The following HMGCLL1 variants were observed in gnomAD, a reference collection of about 807,000 sequenced individuals.
The protein encoded by HMGCLL1 is 3-hydroxy-3-methylglutaryl-CoA lyase like 1, also known as 3-hydroxymethyl-3-methylglutaryl-CoA lyase, cytoplasmic.
In HMGCLL1, 36 loss-of-function variants were observed where a neutral mutation model predicts 39.1. The observed-to-expected ratio is 0.92, with a 90% CI of 0.71 to 1.22. HMGCLL1 has a LOEUF of 1.22. HMGCLL1 is among the 50% of genes most tolerant of loss of function. The pLI is 0.00. For synonymous variants in HMGCLL1, 149 were observed against 144.0 expected (o/e 1.03, Z -0.25); for missense variants, 451 against 416.5 (o/e 1.08, Z -0.72).
At chr6:55,509,435 T>C (rs1430978388) in intron 5 of HMGCLL1, among the ~76,000 whole-genome samples, 2 of 151,830 alleles carry the variant, frequency 1.3e-5, no homozygotes, top group African/African-American at 4.8e-5. Flanking sequence ...GCTATTATCT[T>C]CAGGGTCAGG....
intron 3 of HMGCLL1, among the ~76,000 whole-genome samples, chr6:55,533,709 ACC>A (rs1768826212): frequency 1.3e-5 from 2 of 150,084 alleles, no homozygotes; most frequent in Non-Finnish European, 3.0e-5. Context: ...ACACGGTGAA[ACC>A]CCGTCTCTAC....
At chr6:55,484,910 AT>A (rs147756126) in intron 7 of HMGCLL1, among the ~76,000 whole-genome samples, 30,256 of 150,688 alleles carry the variant, frequency 0.2, 3,049 homozygotes, top group African/African-American at 0.26. Context: ...AAACCCTGTA[AT>A]TTTTTTTTTC....
the HMGCLL1 span, among the ~76,000 whole-genome samples, chr6:55,614,305 T>G: frequency 6.6e-6 from 1 of 152,110 alleles, no homozygotes; most frequent in Non-Finnish European, 1.5e-5. Context: ...ATTAGTGACC[T>G]AATAAGAAGA....
chr6:55,455,005 G>A, intron 7 of HMGCLL1, among the ~76,000 whole-genome samples: 1 of 128,372 alleles, frequency 7.8e-6, no homozygotes, highest in Admixed American at 7.7e-5. Flanking sequence ...AGCTACTGGG[G>A]AGACTGAGAG....
rs10948939 is a variant in HMGCLL1 at position 55,527,215 on chromosome 6, C to A, written c.298-10612G>T. On this transcript the variant is annotated intron_variant, in intron 3 of 8. Coordinates refer to ENST00000274901, the MANE Select transcript of HMGCLL1 (RefSeq NM_001042406.2). ...AGAGAGAACTCACCTTCAGGCTGAA[C>A]AGTCTTGTGGCATATTTTATCATCT... Among the ~76,000 whole-genome samples, 178 of 151,992 alleles carry A rather than the reference C, an allele frequency of 1.2e-3. 1 individual carries two copies. Among genetic ancestry groups the A allele is most frequent in the African/African-American group, 4.1e-3 (168 of 41,474 alleles).
intron 1 of HMGCLL1, among the ~76,000 whole-genome samples, chr6:55,577,370 G>A (rs959404249): frequency 6.6e-6 from 1 of 151,676 alleles, no homozygotes; most frequent in Admixed American, 6.6e-5. Context: ...TTTAAAATCT[G>A]TACTTGAGAG....
At chr6:55,543,316 TATAA>T (rs1338273772) in intron 1 of HMGCLL1, among the ~76,000 whole-genome samples, 1 of 22,686 alleles carries the variant, frequency 4.4e-5, no homozygotes, top group African/African-American at 1.6e-4. Context: ...ATATATAATA[TATAA>T]TATATATTAT....
intron 1 of HMGCLL1, among the ~76,000 whole-genome samples, chr6:55,568,254 A>C (rs1771309497): frequency 6.6e-6 from 1 of 152,152 alleles, no homozygotes; most frequent in South Asian, 2.1e-4. Context: ...ACTTAGAAAA[A>C]GGGAGATTGT....
Position 55,524,463 on chromosome 6 carries a change from T to TA in HMGCLL1, c.298-7861dup, listed in dbSNP as rs376524274. Among the ~76,000 whole-genome samples, 154 of 134,520 alleles carry TA rather than the reference T, an allele frequency of 1.1e-3. 1 individual carries two copies. Among genetic ancestry groups the TA allele is most frequent in the Middle Eastern group, 3.9e-3 (1 of 254 alleles). 88.3% of individuals were successfully genotyped at this position (134,520 alleles called of 152,430 possible). ...TGTTGTATTTGGCATTTATAGTCTT[T>TA]AAAAAAAAAAAAAAAACGGGATCCT... On this transcript the variant is annotated intron_variant, in intron 3 of 8. Coordinates refer to ENST00000274901, the MANE Select transcript of HMGCLL1 (RefSeq NM_001042406.2).
chr6:55,495,242 T>TA (rs1251788066), intron 7 of HMGCLL1, among the ~76,000 whole-genome samples, 177 bp downstream of exon 7: 1 of 152,154 alleles, frequency 6.6e-6, no homozygotes, highest in Non-Finnish European at 1.5e-5. Context: ...TTCATTGCCC[T>TA]AAAAAAATGT....
chr6:55,605,728 T>C, the HMGCLL1 span, among the ~76,000 whole-genome samples: 1 of 152,188 alleles, frequency 6.6e-6, no homozygotes, highest in Admixed American at 6.5e-5. Context: ...TCTATAGTGC[T>C]GTATCCTCCA....
At chr6:55,447,971 C>G (rs1763927702) in intron 7 of HMGCLL1, among the ~76,000 whole-genome samples, 1 of 152,094 alleles carries the variant, frequency 6.6e-6, no homozygotes, top group Admixed American at 6.6e-5. Context: ...CTCCAGGAGG[C>G]AGGGTGTGAA....
chr6:55,451,043 A>T (rs1764057596), intron 7 of HMGCLL1, among the ~76,000 whole-genome samples: 1 of 152,142 alleles, frequency 6.6e-6, no homozygotes, highest in Admixed American at 6.6e-5. Context: ...GGACTCAGCC[A>T]GGCCCTGCTC....
chr6:55,570,979 G>A (rs527914776), intron 1 of HMGCLL1, among the ~76,000 whole-genome samples: 137 of 152,276 alleles, frequency 9.0e-4, no homozygotes, highest in East Asian at 4.8e-3. Context: ...CCCTTATAAA[G>A]CCATCAGATC....
intron 7 of HMGCLL1, among the ~76,000 whole-genome samples, chr6:55,459,571 C>T (rs1280381113): frequency 1.3e-5 from 2 of 152,000 alleles, no homozygotes; most frequent in African/African-American, 4.8e-5. Flanking sequence ...CTGGATCCCT[C>T]CTGCTATGTA....
chr6:55,646,752 G>A, the HMGCLL1 span, among the ~76,000 whole-genome samples: 1 of 151,958 alleles, frequency 6.6e-6, no homozygotes, highest in African/African-American at 2.4e-5. Flanking sequence ...TCTGGTTGGA[G>A]AAGATACTTG....
intron 1 of HMGCLL1, among the ~76,000 whole-genome samples, chr6:55,570,815 AT>A (rs1365179277): frequency 2.6e-5 from 4 of 152,228 alleles, no homozygotes; most frequent in Non-Finnish European, 5.9e-5. Flanking sequence ...TGATAAAGGC[AT>A]ACCTGAGACT....
chr6:55,671,521 G>A, the HMGCLL1 span, among the ~76,000 whole-genome samples: 67 of 151,944 alleles, frequency 4.4e-4, no homozygotes, highest in South Asian at 4.1e-4. Flanking sequence ...TTTAGTTGGA[G>A]ACTTCAACAC....
Position 55,499,315 on chromosome 6 carries a change from A to T in HMGCLL1, c.543-16T>A. On this transcript the variant is annotated splice_polypyrimidine_tract_variant and intron_variant, in intron 5 of 8. Transcript: ENST00000274901. ...AGACACATACCTAAATTAAAAATACAGCCTTATAAATATGCATATGGTAAA... is the reference window on the plus strand; with the variant it reads ...AGACACATACCTAAATTAAAAATACTGCCTTATAAATATGCATATGGTAAA... 1 of 1,577,316 alleles carries T rather than the reference A, an allele frequency of 6.3e-7. No homozygotes were observed. The highest frequency in any genetic ancestry group is 2.3e-5 in the East Asian group (1 of 44,034).
Sources: gnomAD v4.1 joint callset for allele counts (sites outside exome capture counted in the v4.1 genomes callset) on GRCh38, gnomAD v4.1.1 for gene constraint, MANE v1.5 for transcripts, NCBI Gene and HGNC (gene_info 2026-07-23, HGNC 2026-07-21) for gene names.